COL21A1: variants seen among roughly 807,000 people sequenced by gnomAD.
COL21A1 encodes collagen type XXI alpha 1 chain, also known as collagen alpha-1(XXI) chain.
COL21A1 carries 149 observed loss-of-function variants against 137.9 expected under a neutral mutation model. That is an observed-to-expected ratio of 1.08 (90% CI 0.95 to 1.24). The LOEUF is 1.24. COL21A1 is among the 50% of genes most tolerant of loss of function. COL21A1 has a pLI of 0.00. For synonymous variants in COL21A1, 456 were observed against 391.5 expected (o/e 1.16, Z -1.95); for missense variants, 1,167 against 1,158.4 (o/e 1.01, Z -0.11).
chr6:56,090,098 G>A (rs944808418), intron 17 of COL21A1, among the ~76,000 whole-genome samples: 4 of 152,120 alleles, frequency 2.6e-5, no homozygotes, highest in East Asian at 3.9e-4. Context: ...AATTAGCTGG[G>A]CATGGTGGCA....
chr6:56,334,517 A>C (rs2152344112), intron 1 of COL21A1, among the ~76,000 whole-genome samples: 1 of 152,292 alleles, frequency 6.6e-6, no homozygotes, highest in South Asian at 2.1e-4. Context: ...TATAATCATA[A>C]GTTAATTGTA....
At chr6:56,067,008 ATATATATG>A (rs1214596265) in intron 23 of COL21A1, among the ~76,000 whole-genome samples, 151 of 148,360 alleles carry the variant, frequency 1.0e-3, no homozygotes, top group African/African-American at 3.5e-3. Flanking sequence ...TGTGGTATAT[ATATATATG>A]TATATATGTA....
At chr6:56,304,456 C>G (rs1764385301) in intron 1 of COL21A1, among the ~76,000 whole-genome samples, 1 of 152,106 alleles carries the variant, frequency 6.6e-6, no homozygotes, top group South Asian at 2.1e-4. Flanking sequence ...GTGGTTTAGT[C>G]TTGGGAGGGT....
chr6:56,061,970 C>A (rs1000801047), intron 24 of COL21A1, among the ~76,000 whole-genome samples: 20 of 151,996 alleles, frequency 1.3e-4, no homozygotes, highest in African/African-American at 4.8e-4. Flanking sequence ...TGGGATTCTA[C>A]TGAATTTAAA....
Position 56,065,020 on chromosome 6 carries a change from T to TATAG in COL21A1, c.2128-399_2128-398insCTAT, listed in dbSNP as rs529883659. On this transcript the variant is annotated intron_variant, in intron 23 of 29. Transcript: ENST00000244728. ...GACATGTGAGGACAAGAAGATCTCT[T>TATAG]TAAAATTTTATTTTTAAAAATTAAA... Among the ~76,000 whole-genome samples, 6 of 152,184 alleles carry TATAG rather than the reference T, an allele frequency of 3.9e-5. No individual in the cohort carries two copies. The East Asian group carries it at 1.2e-3, about 29-fold the overall frequency.
intron 1 of COL21A1, among the ~76,000 whole-genome samples, chr6:56,340,050 A>G (rs568958833): frequency 2.0e-3 from 169 of 85,146 alleles, no homozygotes; most frequent in African/African-American, 6.8e-3. Context: ...ATAATACCCC[A>G]GAGAGGAAAA....
intron 1 of COL21A1, among the ~76,000 whole-genome samples, chr6:56,358,601 A>T (rs1337438172): frequency 6.6e-6 from 1 of 152,224 alleles, no homozygotes; most frequent in Non-Finnish European, 1.5e-5. Context: ...TACACAATCC[A>T]TAATTCAATT....
At chr6:56,232,548 C>A (rs1045838351) in intron 1 of COL21A1, among the ~76,000 whole-genome samples, 1 of 151,884 alleles carries the variant, frequency 6.6e-6, no homozygotes, top group Non-Finnish European at 1.5e-5. Flanking sequence ...ACTCCAAAGT[C>A]AGTTGGCTAC....
At chr6:56,240,159 C>CTTTT (rs70986787) in intron 1 of COL21A1, among the ~76,000 whole-genome samples, 2 of 145,202 alleles carry the variant, frequency 1.4e-5, no homozygotes, top group East Asian at 2.0e-4. Flanking sequence ...GTCCATTAAA[C>CTTTT]TTTTTTTTTT....
At chr6:56,158,210 A>G (rs1158842607) in intron 9 of COL21A1, among the ~76,000 whole-genome samples, 1 of 149,082 alleles carries the variant, frequency 6.7e-6, no homozygotes, top group African/African-American at 2.5e-5. Context: ...GTTCCTATAT[A>G]GATGCACATG....
At chr6:56,283,864 T>TCA (rs142900697) in intron 1 of COL21A1, among the ~76,000 whole-genome samples, 25,648 of 133,550 alleles carry the variant, frequency 0.19, 3,381 homozygotes, top group East Asian at 0.56. Flanking sequence ...GTAGACACAC[T>TCA]CACACACACA....
At chr6:56,286,087 A>G (rs1051802995) in intron 1 of COL21A1, among the ~76,000 whole-genome samples, 1 of 152,188 alleles carries the variant, frequency 6.6e-6, no homozygotes, top group African/African-American at 2.4e-5. Context: ...TAAGTCTTAA[A>G]AACTGGCCAG....
chr6:56,077,136 C>G (rs903555033), intron 18 of COL21A1, among the ~76,000 whole-genome samples: 1 of 151,212 alleles, frequency 6.6e-6, no homozygotes, highest in Non-Finnish European at 1.5e-5. Flanking sequence ...ACAAAACTGT[C>G]CTTCAAAACA....
rs555547265 is a variant in COL21A1 at position 56,145,756 on chromosome 6, T to G, written c.1435-3773A>C. Among the ~76,000 whole-genome samples, 20 of 152,236 alleles carry G rather than the reference T, an allele frequency of 1.3e-4. No individual in the cohort carries two copies. In the South Asian group the frequency reaches 4.1e-3, roughly 32 times the overall value. ...CAACATGAATTTTGCCATTTTGCAT[T>G]TATTAGCAGGTCCAAATATCCACCC... On this transcript the variant is annotated intron_variant, in intron 10 of 29. Transcript: ENST00000244728.
intron 1 of COL21A1, among the ~76,000 whole-genome samples, chr6:56,349,994 C>G (rs929083575): frequency 1.3e-5 from 2 of 152,156 alleles, no homozygotes; most frequent in Admixed American, 6.5e-5. Flanking sequence ...TTTTCCTTGT[C>G]TTTCTGTAGC....
intron 1 of COL21A1, among the ~76,000 whole-genome samples, chr6:56,244,843 T>G (rs548081933): frequency 6.6e-6 from 1 of 152,336 alleles, no homozygotes; most frequent in African/African-American, 2.4e-5. Flanking sequence ...TTTTTGGCAT[T>G]AATACCATAA....
At chr6:56,182,043 AC>A (rs1185062741) in intron 2 of COL21A1, among the ~76,000 whole-genome samples, 1 of 152,142 alleles carries the variant, frequency 6.6e-6, no homozygotes, top group Non-Finnish European at 1.5e-5. Context: ...ACATAAGCAA[AC>A]TTTTTTTTAA....
Position 56,170,853 on chromosome 6 carries a change from T to G in COL21A1, c.822A>C (p.Pro274=), listed in dbSNP as rs1307921176. ...ATACATATGATGGAGGAAGACCTTCTGGGAAAACATTGCTAGAAAAAGAAG... is the reference window on the plus strand; with the variant it reads ...ATACATATGATGGAGGAAGACCTTCGGGGAAAACATTGCTAGAAAAAGAAG... ...DLSELTSNVF[P]EGLPPSYVFV... Residue 274 remains proline (P), a synonymous_variant, in exon 5 of 30, where the codon CCA becomes CCC. Transcript: ENST00000244728. 6.2e-7 allele frequency: 1 copy of G among 1,609,564 alleles called. No individual in the cohort carries two copies. Among genetic ancestry groups the G allele is most frequent in the African/African-American group, 1.3e-5 (1 of 74,686 alleles).
At chr6:56,197,553 T>A (rs1779104999) in intron 1 of COL21A1, among the ~76,000 whole-genome samples, 1 of 152,002 alleles carries the variant, frequency 6.6e-6, no homozygotes, top group Non-Finnish European at 1.5e-5. Flanking sequence ...ATGATGTAAA[T>A]AGACAATTTT....
Sources: allele counts gnomAD v4.1 joint callset (sites outside exome capture counted in the v4.1 genomes callset), GRCh38; gene constraint gnomAD v4.1.1; transcripts MANE v1.5; gene names NCBI Gene and HGNC (gene_info 2026-07-23, HGNC 2026-07-21).